The following SLC12A7 variants were observed in gnomAD, a reference collection of about 807,000 sequenced individuals.
SLC12A7 encodes K-Cl cotransporter 4.
In SLC12A7, 100 loss-of-function variants were observed where a neutral mutation model predicts 120.6. The ratio of observed to expected loss-of-function variants is 0.83; its 90% CI spans 0.71 to 0.98. The LOEUF (loss-of-function observed/expected upper bound fraction) is 0.98, where lower values mean the gene tolerates loss of function less well. SLC12A7 is among the 50% of genes least tolerant of loss of function. SLC12A7 has a pLI of 0.00. For synonymous variants in SLC12A7, 760 were observed against 678.0 expected (o/e 1.12, Z -1.88); for missense variants, 1,373 against 1,548.1 (o/e 0.89, Z 1.90).
the SLC12A7 span, among the ~76,000 whole-genome samples, chr5:1,132,310 C>G: frequency 6.6e-6 from 1 of 152,202 alleles, no homozygotes; most frequent in East Asian, 1.9e-4. Context: ...GAATTTTGCA[C>G]CCCTTTCCTG....
chr5:1,105,229 G>A (rs1037770321), intron 1 of SLC12A7, among the ~76,000 whole-genome samples: 21 of 147,960 alleles, frequency 1.4e-4, no homozygotes, highest in Non-Finnish European at 2.8e-4. Flanking sequence ...CCGCAGGGAT[G>A]AGGTCCTGCA....
intron 9 of SLC12A7, among the ~76,000 whole-genome samples, chr5:1,080,680 T>C (rs1268298616): frequency 1.3e-5 from 2 of 152,168 alleles, no homozygotes; most frequent in African/African-American, 4.8e-5. Context: ...GCACGGGGCC[T>C]GGCCCCACCC....
intron 1 of SLC12A7, among the ~76,000 whole-genome samples, chr5:1,109,180 C>T (rs567103840): frequency 1.8e-4 from 28 of 152,302 alleles, no homozygotes; most frequent in South Asian, 1.4e-3. Context: ...ACCTTCCAGA[C>T]AGGCCGGGGC....
At chr5:1,140,774 C>T in the SLC12A7 span, among the ~76,000 whole-genome samples, 1 of 152,234 alleles carries the variant, frequency 6.6e-6, no homozygotes, top group Non-Finnish European at 1.5e-5. Context: ...GGGAGATTCA[C>T]CCAGGAGGGC....
Position 1,073,749 on chromosome 5 carries a change from G to A in SLC12A7, c.2125C>T (p.Pro709Ser), listed in dbSNP as rs767195602. ...TGCGACGTGAAGGACAGCAGGCGGG[G>A]GTGCTTCACGGCCTGCTCCGCGTCC... is the stretch of plus-strand genomic sequence containing the variant. ...NLDAEQAVKHPRLLSFTSQLK... is the reference protein window; with the variant it reads ...NLDAEQAVKHSRLLSFTSQLK... The change falls in exon 17 of 24, where the codon CCC becomes TCC. Residue 709 changes from proline to serine, a missense_variant. By Grantham distance (74) the Pro-to-Ser change is moderately conservative (BLOSUM62 -1). Transcript: ENST00000264930. 6 of 1,560,196 alleles carry A rather than the reference G, an allele frequency of 3.8e-6. No homozygotes were observed. Among genetic ancestry groups the A allele is most frequent in the African/African-American group, 1.4e-5 (1 of 72,290 alleles).
chr5:1,145,130 C>T, the SLC12A7 span, among the ~76,000 whole-genome samples: 1 of 152,376 alleles, frequency 6.6e-6, no homozygotes, highest in East Asian at 1.9e-4. The surrounding 1 kb of genome is among the most constrained non-coding windows in gnomAD (Gnocchi z 4.4). Flanking sequence ...GGGATCACCC[C>T]TTCTTCAAAG....
At chr5:1,116,012 C>T (rs1008028105), upstream of SLC12A7, among the ~76,000 whole-genome samples, 49 of 151,936 alleles carry the variant, frequency 3.2e-4, no homozygotes, top group African/African-American at 1.1e-3. Flanking sequence ...GCAGAGTCTC[C>T]GGCCACCTGT....
chr5:1,059,879 G>T (rs1172943621), intron 21 of SLC12A7, among the ~76,000 whole-genome samples: 2 of 152,208 alleles, frequency 1.3e-5, no homozygotes. Flanking sequence ...TGCGGGGAAG[G>T]GCACTGAGGG....
intron 13 of SLC12A7, 88 bp from the exon 14 acceptor site, chr5:1,076,324 G>T: frequency 9.5e-7 from 1 of 1,050,798 alleles, no homozygotes; most frequent in Non-Finnish European, 1.4e-6. Context: ...CCTTGTCACT[G>T]TCCCTCCCAC....
At position 1,082,973 on chromosome 5, in the gene SLC12A7, C is replaced by CCG. The variant is rs1427134167; in HGVS notation, c.1129+771_1129+772insCG. On this transcript the variant is annotated intron_variant, in intron 8 of 23. Transcript: ENST00000264930. ...TCGGGTTCTGGAAAGCCTGGGCTTC[C>CCG]TCTCTAGGGTTCTGGAAAGTCCGGG... Among the ~76,000 whole-genome samples, 138 of 94,236 alleles carry CCG rather than the reference C, an allele frequency of 1.5e-3. 24 individuals carry two copies. The highest frequency in any genetic ancestry group is 5.2e-3 in the Middle Eastern group (1 of 192). 61.8% of individuals were successfully genotyped at this position (94,236 alleles called of 152,430 possible). A position where few individuals can be genotyped will look rare whatever the true frequency, so the allele number is the denominator to read the frequency against.
chr5:1,052,100 G>A lies in SLC12A7; in HGVS notation c.*260C>T, dbSNP rs1243558797. On this transcript the variant is annotated 3_prime_UTR_variant, in exon 24 of 24. Transcript: ENST00000264930. Reference sequence around the variant, plus strand: ...CTGCGAGAAGATCTGGCCACGTCCAGGTCACTCCGGTAGCAGCGTCTGCCC... The same window carrying A: ...CTGCGAGAAGATCTGGCCACGTCCAAGTCACTCCGGTAGCAGCGTCTGCCC... The A allele has an allele frequency of 1.8e-6, 1 of 550,060 alleles. No homozygotes were observed. The highest frequency in any genetic ancestry group is 3.2e-6 in the Non-Finnish European group (1 of 308,606). 34.1% of individuals were successfully genotyped at this position (550,060 alleles called of 1,614,324 possible). A position where few individuals can be genotyped will look rare whatever the true frequency, so the allele number is the denominator to read the frequency against.
Position 1,094,156 on chromosome 5 carries a change from C to T in SLC12A7, c.217G>A (p.Glu73Lys), listed in dbSNP as rs1740850561. Reference protein sequence around the residue: ...FFEGKNMALFEEEMDSNPMVS... With the variant: ...FFEGKNMALFKEEMDSNPMVS... Reference sequence around the variant, plus strand: ...CTTCTTCTAAAAAGTAAAGTTACCTCGAAAAGTGCCATGTTCTTCCCTTCA... The same window carrying T: ...CTTCTTCTAAAAAGTAAAGTTACCTTGAAAAGTGCCATGTTCTTCCCTTCA... The change falls in exon 2 of 24, where the codon GAG (glutamate) becomes AAG (lysine). Residue 73 changes from glutamate (E) to lysine (K), a missense_variant and splice_region_variant. Physicochemically the swap from Glu to Lys is moderately conservative, Grantham distance 56. Transcript: ENST00000264930. 1.2e-6 allele frequency: 2 copies of T among 1,610,768 alleles called. No homozygotes were observed. Among genetic ancestry groups the T allele is most frequent in the African/African-American group, 1.3e-5 (1 of 74,854 alleles).
intron 1 of SLC12A7, among the ~76,000 whole-genome samples, chr5:1,106,506 G>A (rs1390234643): frequency 6.6e-6 from 1 of 151,514 alleles, no homozygotes; most frequent in Non-Finnish European, 1.5e-5. Context: ...GATGGTAACA[G>A]GAGAGCCCTC....
rs374681595 is a variant in SLC12A7 at position 1,078,684 on chromosome 5, T to C, written c.1454+17A>G. The C allele has an allele frequency of 3.7e-6, 6 of 1,607,854 alleles. No individual in the cohort carries two copies. In the African/African-American group the frequency reaches 8.0e-5, roughly 22 times the overall value. On this transcript the variant is annotated intron_variant, in intron 11 of 23. Transcript: ENST00000264930. ...AAGACTACAGGCTTTGCACGAAAAC[T>C]GCAGGTGGAAACGTACTTATCTCGT...
At chr5:1,132,188 C>T in the SLC12A7 span, among the ~76,000 whole-genome samples, 1 of 152,216 alleles carries the variant, frequency 6.6e-6, no homozygotes, top group Non-Finnish European at 1.5e-5. Context: ...AATTCGAATG[C>T]ATTAGCATCT....
Position 1,085,222 on chromosome 5 carries a change from C to T in SLC12A7, c.917+10G>A, listed in dbSNP as rs376285988. ...ACACCCACCCACGGCTCAGAGGCCCCGAGACTCACGGGATGTCCGGGGGGT... is the reference window on the plus strand; with the variant it reads ...ACACCCACCCACGGCTCAGAGGCCCTGAGACTCACGGGATGTCCGGGGGGT... On this transcript the variant is annotated intron_variant, in intron 7 of 23. Transcript: ENST00000264930. The T allele has an allele frequency of 1.3e-5, 21 of 1,611,540 alleles. No homozygotes were observed. Among genetic ancestry groups the T allele is most frequent in the Middle Eastern group, 3.3e-4 (2 of 6,082 alleles).
chr5:1,054,090 G>A (rs1735343949), intron 22 of SLC12A7, among the ~76,000 whole-genome samples: 1 of 152,256 alleles, frequency 6.6e-6, no homozygotes, highest in South Asian at 2.1e-4. Context: ...GACAGGGTAT[G>A]CCGAGGACTC....
chr5:1,143,400 G>C, the SLC12A7 span, among the ~76,000 whole-genome samples: 3 of 152,212 alleles, frequency 2.0e-5, no homozygotes, highest in African/African-American at 7.2e-5. Flanking sequence ...TTCATGGCCC[G>C]CAGACGGTGG....
At chr5:1,153,445 G>T in the SLC12A7 span, among the ~76,000 whole-genome samples, 1 of 152,206 alleles carries the variant, frequency 6.6e-6, no homozygotes, top group African/African-American at 2.4e-5. Context: ...GGGGCCTCTG[G>T]GGGGGTCCAT....
Sources: gnomAD v4.1 joint callset for allele counts (sites outside exome capture counted in the v4.1 genomes callset) on GRCh38, gnomAD v4.1.1 for gene constraint, Gnocchi (gnomAD v3.1) non-coding constraint, MANE v1.5 for transcripts, NCBI Gene and HGNC (gene_info 2026-07-23, HGNC 2026-07-21) for gene names.